Variants in FLG2 observed in about 807,000 individuals in gnomAD.
FLG2 encodes filaggrin 2, also known as filaggrin-2.
Under a neutral mutation model 3.9 loss-of-function variants are expected in FLG2, and 7 were observed. That is an observed-to-expected ratio of 1.79 (90% CI 1.02 to 3.36). The LOEUF is 3.36. Among genes scored for constraint, FLG2 ranks in the 30% most tolerant of loss-of-function variants. The pLI is 0.00. For synonymous variants in FLG2, 1,031 were observed against 1,056.1 expected (o/e 0.98, Z 0.46); for missense variants, 2,700 against 2,809.4 (o/e 0.96, Z 0.88).
rs773288041 is a variant in FLG2 at position 152,352,595 on chromosome 1, A to C, written c.5191T>G (p.Tyr1731Asp). The C allele has an allele frequency of 6.2e-6, 10 of 1,613,082 alleles. No homozygotes were observed. The East Asian group carries it at 2.2e-4, about 36-fold the overall frequency. ...TGRRGSGHSE[Y>D]SDSEGYSGVS... Reference sequence around the variant, plus strand: ...CCTGAGTACCCTTCACTGTCACTGTACTCACTGTGGCCAGATCCCCTTCTT... The same window carrying C: ...CCTGAGTACCCTTCACTGTCACTGTCCTCACTGTGGCCAGATCCCCTTCTT... The change falls in exon 3 of 3, where the codon TAC becomes GAC. Residue 1731 changes from tyrosine to aspartate, a missense_variant. Tyr to Asp is a radical substitution (Grantham distance 160, BLOSUM62 -3). Coordinates refer to ENST00000388718, the MANE Select transcript of FLG2 (RefSeq NM_001014342.3).
At position 152,353,611 on chromosome 1, in the gene FLG2, T is replaced by G. The variant is rs1468287921; in HGVS notation, c.4175A>C (p.Tyr1392Ser). ...TCCAGTGGCCTCTCCTGTCTGTCCATAAGTAGTTTCATGTCTCTCATGAAC... is the reference window on the plus strand; with the variant it reads ...TCCAGTGGCCTCTCCTGTCTGTCCAGAAGTAGTTTCATGTCTCTCATGAAC... ...STVHERHETTYGQTGEATGHG... is the reference protein window; with the variant it reads ...STVHERHETTSGQTGEATGHG... Residue 1392 changes from tyrosine to serine, a missense_variant, in exon 3 of 3, where the codon TAT becomes TCT. Tyr to Ser is a moderately radical substitution (Grantham distance 144). Coordinates refer to ENST00000388718, the MANE Select transcript of FLG2 (RefSeq NM_001014342.3). 4 of 1,613,922 alleles carry G rather than the reference T, an allele frequency of 2.5e-6. No individual in the cohort carries two copies. In the African/African-American group the frequency reaches 5.3e-5, roughly 22 times the overall value.
rs775770468 is a variant in FLG2 at position 152,355,206 on chromosome 1, T to C, written c.2580A>G (p.Gln860=). ...ATGTCTGTCCCGAACTTGACCCATG[T>C]TGACCATAGCCAGATGATTGACTTG... ...SGSSQSSGYG[Q]HGSSSGQTSG... is the part of the protein sequence containing the mutation. Residue 860 remains glutamine (Q), a synonymous_variant, in exon 3 of 3, where the codon CAA becomes CAG. Transcript: ENST00000388718. 1 of 1,609,180 alleles carries C rather than the reference T, an allele frequency of 6.2e-7. No individual in the cohort carries two copies. The highest frequency in any genetic ancestry group is 2.3e-5 in the East Asian group (1 of 43,948).
In FLG2 at chr1:152,352,868, G is replaced by A. The variant is rs1374817328; in HGVS notation, c.4918C>T (p.Gln1640Ter). ...CTTCCAGTTGTCCTGGACCCTCTCT[G>A]TGTGGACTGTCCATGACCAGAGTGG... ...HSHSGHGQST[Q>*]RGSRTTGRQR... is the part of the protein sequence containing the mutation. Residue 1640 changes from glutamine to a stop codon, truncating the protein, a stop_gained, in exon 3 of 3, where the codon CAG becomes TAG. Coordinates refer to ENST00000388718, the MANE Select transcript of FLG2 (RefSeq NM_001014342.3). LOFTEE classifies it low-confidence loss of function (END_TRUNC). 2 of 1,613,666 alleles carry A rather than the reference G, an allele frequency of 1.2e-6. No homozygotes were observed. The highest frequency in any genetic ancestry group is 2.2e-5 in the East Asian group (1 of 44,826).
At position 152,357,190 on chromosome 1, in the gene FLG2, G is replaced by A; in HGVS notation, c.596C>T (p.Ser199Phe). 1 of 1,614,122 alleles carries A rather than the reference G, an allele frequency of 6.2e-7. No homozygotes were observed. The highest frequency in any genetic ancestry group is 8.5e-7 in the Non-Finnish European group (1 of 1,180,026). The change falls in exon 3 of 3, where the codon TCC (serine) becomes TTC (phenylalanine). Residue 199 changes from serine (S) to phenylalanine (F), a missense_variant. Coordinates refer to ENST00000388718, the MANE Select transcript of FLG2 (RefSeq NM_001014342.3). ...SWSGGKDRHGSSSVELRERIN... is the reference protein window; with the variant it reads ...SWSGGKDRHGFSSVELRERIN... ...TCTTTCTCTCAGTTCTACAGAGCTGGAACCATGTCTGTCTTTGCCACCACT... is the reference window on the plus strand; with the variant it reads ...TCTTTCTCTCAGTTCTACAGAGCTGAAACCATGTCTGTCTTTGCCACCACT...
Position 152,350,677 on chromosome 1 carries a change from C to T in FLG2, c.7109G>A (p.Ser2370Asn). ...CCATGAAAGGTGAGAATTACTGATGCTTTTTCTGCTGCCACCAGAAGGCCC... is the reference window on the plus strand; with the variant it reads ...CCATGAAAGGTGAGAATTACTGATGTTTTTTCTGCTGCCACCAGAAGGCCC... ...GYGPSGGSRK[S>N]ISNSHLSWST... The change falls in exon 3 of 3, where the codon AGC becomes AAC. Residue 2370 changes from serine to asparagine, a missense_variant. Physicochemically the swap from Ser to Asn is conservative, Grantham distance 46 (BLOSUM62 1). Coordinates refer to ENST00000388718, the MANE Select transcript of FLG2 (RefSeq NM_001014342.3). 1 of 1,614,170 alleles carries T rather than the reference C, an allele frequency of 6.2e-7. No individual in the cohort carries two copies. Among genetic ancestry groups the T allele is most frequent in the Non-Finnish European group, 8.5e-7 (1 of 1,180,034 alleles).
intron 2 of FLG2, 62 bp from the exon 3 acceptor site, chr1:152,357,709 C>T: frequency 8.7e-7 from 1 of 1,152,546 alleles, no homozygotes; most frequent in Non-Finnish European, 1.3e-6. Context: ...TCAACTAACA[C>T]ATTTAAATAG....
In FLG2 at chr1:152,353,536, G is replaced by T. The variant is rs1654055903; in HGVS notation, c.4250C>A (p.Thr1417Asn). 2.5e-6 allele frequency: 4 copies of T among 1,613,986 alleles called. No individual in the cohort carries two copies. The highest frequency in any genetic ancestry group is 3.4e-6 in the Non-Finnish European group (4 of 1,180,002). Residue 1417 changes from threonine to asparagine, a missense_variant, in exon 3 of 3, where the codon ACT becomes AAT. Thr to Asn is a moderately conservative substitution (Grantham distance 65, BLOSUM62 0). Coordinates refer to ENST00000388718, the MANE Select transcript of FLG2 (RefSeq NM_001014342.3). ...ACTATGGCCAGATCCCCTTCTTCCA[G>T]TTGTCCTGGACCCTCTCTGTGTGGA... is the stretch of plus-strand genomic sequence containing the variant. ...GQSTQRGSRTTGRRGSGHSES... is the reference protein window; with the variant it reads ...GQSTQRGSRTNGRRGSGHSES...
rs575262399 is a variant in FLG2, at chr1:152,351,662, C to T, written c.6124G>A (p.Val2042Ile). ...GCGTGTCCTGAATGTGTGTGTGAGA[C>T]CCCTGAGTGCCCTTCACTGTCACTG... ...EYSDSEGHSG[V>I]SHTHSGHAHG... Residue 2042 changes from valine (V) to isoleucine (I), a missense_variant, in exon 3 of 3, where the codon GTC (valine) becomes ATC (isoleucine). Val to Ile is a conservative substitution (Grantham distance 29, BLOSUM62 3). Coordinates refer to ENST00000388718, the MANE Select transcript of FLG2 (RefSeq NM_001014342.3). 6 of 1,610,860 alleles carry T rather than the reference C, an allele frequency of 3.7e-6. No individual in the cohort carries two copies. Among genetic ancestry groups the T allele is most frequent in the African/African-American group, 1.4e-5 (1 of 73,864 alleles).
Position 152,355,065 on chromosome 1 carries a change from G to A in FLG2, c.2721C>T (p.Tyr907=), listed in dbSNP as rs748614680. 6 of 1,551,126 alleles carry A rather than the reference G, an allele frequency of 3.9e-6. 1 individual carries two copies. In the East Asian group the frequency reaches 1.1e-4, roughly 29 times the overall value. Reference sequence around the variant, plus strand: ...TAGACTCATGTTGTCCAAAACCAGAGTATTGTCCTGAGCCAGTCCCATGTT... The same window carrying A: ...TAGACTCATGTTGTCCAAAACCAGAATATTGTCCTGAGCCAGTCCCATGTT... ...FGQHGTGSGQ[Y]SGFGQHESRS... Residue 907 remains tyrosine (Y), a synonymous_variant, in exon 3 of 3, where the codon TAC becomes TAT. Transcript: ENST00000388718.
Position 152,356,714 on chromosome 1 carries a change from T to C in FLG2, c.1072A>G (p.Arg358Gly), listed in dbSNP as rs994080179. ...QSYSQRGYGA[R>G]ENGQPQNCGG... ...CAGTTCTGTGGTTGACCATTTTCTC[T>C]AGCTCCATATCCTCTCTGACTATAG... Residue 358 changes from arginine (R) to glycine (G), a missense_variant, in exon 3 of 3, where the codon AGA becomes GGA. Arg to Gly is a moderately radical substitution (Grantham distance 125, BLOSUM62 -2). Coordinates refer to ENST00000388718, the MANE Select transcript of FLG2 (RefSeq NM_001014342.3). The C allele has an allele frequency of 2.5e-6, 4 of 1,614,074 alleles. No homozygotes were observed. In the African/African-American group the frequency reaches 5.3e-5, roughly 22 times the overall value.
intron 1 of FLG2, 43 bp downstream of exon 1, chr1:152,359,913 A>C (rs772519449): frequency 6.6e-6 from 1 of 152,264 alleles, no homozygotes; most frequent in African/African-American, 2.4e-5. Context: ...ACTATGGACA[A>C]CACCAAATAT....
Position 152,356,257 on chromosome 1 carries a change from GACCCAT to G in FLG2, c.1523_1528del (p.His508_Ser510delinsPro). On this transcript the variant is annotated inframe_deletion, in exon 3 of 3. Transcript: ENST00000388718. Reference sequence around the variant, plus strand: ...AAAACCAGAGGATTGTCCTGAGACAGACCCATGCTGTCCAAAGCCAGAGGACTGACC... The same window carrying G: ...AAAACCAGAGGATTGTCCTGAGACAGGCTGTCCAAAGCCAGAGGACTGACC... The G allele has an allele frequency of 6.2e-7, 1 of 1,613,940 alleles. No individual in the cohort carries two copies. The highest frequency in any genetic ancestry group is 8.5e-7 in the Non-Finnish European group (1 of 1,180,000).
In FLG2 at chr1:152,351,220, T is replaced by G. The variant is rs187944122; in HGVS notation, c.6566A>C (p.His2189Pro). The G allele has an allele frequency of 2.4e-5, 38 of 1,613,320 alleles. No homozygotes were observed. In the African/African-American group the frequency reaches 5.0e-4, roughly 21 times the overall value. Residue 2189 changes from histidine to proline, a missense_variant, in exon 3 of 3, where the codon CAC (histidine) becomes CCC (proline). Physicochemically the swap from His to Pro is moderately conservative, Grantham distance 77. Coordinates refer to ENST00000388718, the MANE Select transcript of FLG2 (RefSeq NM_001014342.3). The stretch of plus-strand genomic sequence containing the variant: ...TGAATGTGTGGGTGAGGCCTCTGAG[T>G]GCACTTCACTATCACTGGACTCACT... ...SHSESSDSEV[H>P]SEASPTHSGH...
Position 152,351,829 on chromosome 1 carries a change from G to A in FLG2, c.5957C>T (p.Ser1986Leu). The A allele has an allele frequency of 6.2e-7, 1 of 1,612,338 alleles. No homozygotes were observed. The highest frequency in any genetic ancestry group is 8.5e-7 in the Non-Finnish European group (1 of 1,179,790). ...HGQAGSHYPE[S>L]GSSVHERHGT... The stretch of plus-strand genomic sequence containing the variant: ...GTGTCTCTCATGAACTGAGGATCCT[G>A]ACTCTGGATAGTGAGATCCAGCTTG... Residue 1986 changes from serine to leucine, a missense_variant, in exon 3 of 3, where the codon TCA becomes TTA. Ser to Leu is a moderately radical substitution (Grantham distance 145). Transcript: ENST00000388718.
In FLG2 at chr1:152,353,630, C is replaced by T; in HGVS notation, c.4156G>A (p.Glu1386Lys). The change falls in exon 3 of 3, where the codon GAG (glutamate) becomes AAG (lysine). Residue 1386 changes from glutamate to lysine, a missense_variant. Transcript: ENST00000388718. ...TGTCCATAAGTAGTTTCATGTCTCT[C>T]ATGAACTGTGGATTCTGACTCTCCA... The part of the protein sequence containing the change: ...QHGESESTVH[E>K]RHETTYGQTG... 1.2e-6 allele frequency: 2 copies of T among 1,613,770 alleles called. No homozygotes were observed. The highest frequency in any genetic ancestry group is 1.3e-5 in the African/African-American group (1 of 74,848).
rs756310409 is a variant in FLG2, at chr1:152,356,503, C to G, written c.1283G>C (p.Ser428Thr). ...CAAGCCTGTTCCATGTTGTTCAAAG[C>G]TAGTAGACTGACTTGAACCAGACCC... Reference protein sequence around the residue: ...QYGSGSSQSTSFEQHGTGLSQ... With the variant: ...QYGSGSSQSTTFEQHGTGLSQ... The change falls in exon 3 of 3, where the codon AGC (serine) becomes ACC (threonine). Residue 428 changes from serine to threonine, a missense_variant. Coordinates refer to ENST00000388718, the MANE Select transcript of FLG2 (RefSeq NM_001014342.3). 6.2e-7 allele frequency: 1 copy of G among 1,614,262 alleles called. No homozygotes were observed. Among genetic ancestry groups the G allele is most frequent in the Non-Finnish European group, 8.5e-7 (1 of 1,180,046 alleles).
rs546016982 is a variant in FLG2, at chr1:152,357,537, C to T, written c.249G>A (p.Met83Ile). 9 of 1,613,984 alleles carry T rather than the reference C, an allele frequency of 5.6e-6. 1 individual carries two copies. In the South Asian group the frequency reaches 9.9e-5, roughly 18 times the overall value. ...EFLLMIFKLTMACNKVLSKEY... is the reference protein window; with the variant it reads ...EFLLMIFKLTIACNKVLSKEY... ...CTTTGCTGAGGACCTTGTTGCAGGC[C>T]ATAGTCAGCTTGAATATCATCAAAA... Residue 83 changes from methionine (M) to isoleucine (I), a missense_variant, in exon 3 of 3, where the codon ATG becomes ATA. Physicochemically the swap from Met to Ile is conservative, Grantham distance 10 (BLOSUM62 1). Transcript: ENST00000388718.
rs1357433258 is a variant in FLG2, at chr1:152,357,052, T to C, written c.734A>G (p.Glu245Gly). Residue 245 changes from glutamate (E) to glycine (G), a missense_variant, in exon 3 of 3, where the codon GAG becomes GGG. Transcript: ENST00000388718. Reference sequence around the variant, plus strand: ...AGAGTTTGATTCATGCCCACTAGTCTCCAATCCACATGACAGACCACCATG... The same window carrying C: ...AGAGTTTGATTCATGCCCACTAGTCCCCAATCCACATGACAGACCACCATG... ...KGHGGLSCGLETSGHESNSTQ... is the reference protein window; with the variant it reads ...KGHGGLSCGLGTSGHESNSTQ... 3 of 1,614,090 alleles carry C rather than the reference T, an allele frequency of 1.9e-6. No homozygotes were observed. The highest frequency in any genetic ancestry group is 2.7e-5 in the African/African-American group (2 of 74,930).
In FLG2 at chr1:152,356,485, G is replaced by A. The variant is rs1654238190; in HGVS notation, c.1301C>T (p.Thr434Ile). ...GAACCCAGAGGACTGACTCAAGCCT[G>A]TTCCATGTTGTTCAAAGCTAGTAGA... Reference protein sequence around the residue: ...SQSTSFEQHGTGLSQSSGFEQ... With the variant: ...SQSTSFEQHGIGLSQSSGFEQ... Residue 434 changes from threonine (T) to isoleucine (I), a missense_variant, in exon 3 of 3, where the codon ACA (threonine) becomes ATA (isoleucine). Transcript: ENST00000388718. The A allele has an allele frequency of 6.2e-7, 1 of 1,614,160 alleles. No homozygotes were observed. The highest frequency in any genetic ancestry group is 1.3e-5 in the African/African-American group (1 of 74,954).
Sources: gnomAD v4.1 joint callset for allele counts on GRCh38, gnomAD v4.1.1 for gene constraint, MANE v1.5 for transcripts, NCBI Gene and HGNC (gene_info 2026-07-23, HGNC 2026-07-21) for gene names.